The following EPHB6 variants were observed in gnomAD, a reference collection of about 807,000 sequenced individuals.
The protein encoded by EPHB6 is EPH receptor B6.
EPHB6 carries 51 observed loss-of-function variants against 107.0 expected under a neutral mutation model. The ratio of observed to expected loss-of-function variants is 0.48; its 90% CI spans 0.38 to 0.60. The LOEUF (loss-of-function observed/expected upper bound fraction) is 0.60, where lower values mean the gene tolerates loss of function less well. Among genes scored for constraint, EPHB6 ranks in the 20% least tolerant of loss-of-function variants. The pLI, the probability that EPHB6 is intolerant of heterozygous loss-of-function variation, is 0.00. For missense variants in EPHB6, 1,141 were observed against 1,355.5 expected (o/e 0.84, Z 2.48); for synonymous variants, 553 against 549.0 (o/e 1.01, Z -0.10).
At chr7:142,864,770 C>A (rs1563340638) in intron 7 of EPHB6, 21 bp downstream of exon 7, 1 of 1,612,620 alleles carries the variant, frequency 6.2e-7, no homozygotes, top group Non-Finnish European at 8.5e-7. Context: ...ACTCGTCTTG[C>A]ACTTGCCCGA....
chr7:142,862,928 G>C, intron 4 of EPHB6, 95 bp downstream of exon 4: 2 of 413,646 alleles, frequency 4.8e-6, no homozygotes, highest in Non-Finnish European at 8.7e-6. Flanking sequence ...GAGTAGGCAC[G>C]AACACTCCAA....
In EPHB6 at chr7:142,866,324, C is replaced by A; in HGVS notation, c.1462+8C>A. ...TCAGCACCAGCCATGAAGGTGAGCT[C>A]TTTTCCTTGGCCTTCAGGATCCCCT... On this transcript the variant is annotated splice_region_variant and intron_variant, in intron 9 of 19. Transcript: ENST00000652003. This position sits in a 1 kb window ranked among gnomAD's most constrained non-coding sequence, Gnocchi z 5.2. 1 of 1,613,768 alleles carries A rather than the reference C, an allele frequency of 6.2e-7. No homozygotes were observed. Among genetic ancestry groups the A allele is most frequent in the Admixed American group, 1.7e-5 (1 of 60,030 alleles).
Position 142,864,633 on chromosome 7 carries a change from C to T in EPHB6, c.833C>T (p.Ala278Val), listed in dbSNP as rs776913575. 2 of 1,612,118 alleles carry T rather than the reference C, an allele frequency of 1.2e-6. No individual in the cohort carries two copies. Among genetic ancestry groups the T allele is most frequent in the African/African-American group, 1.3e-5 (1 of 74,920 alleles). The part of the protein sequence containing the change: ...EPEEDGVGGQ[A>V]GGSPPRLHCN... ...GAGGAGGATGGAGTAGGGGGCCAGG[C>T]AGGAGGCAGCCCCCCCAGGCTGCAC... Residue 278 changes from alanine to valine, a missense_variant, in exon 7 of 20, where the codon GCA becomes GTA. Transcript: ENST00000652003.
At chr7:142,862,569 T>C (rs1802891460) in intron 3 of EPHB6, among the ~76,000 whole-genome samples, 187 bp from the exon 4 acceptor site, 1 of 152,090 alleles carries the variant, frequency 6.6e-6, no homozygotes, top group African/African-American at 2.4e-5. Flanking sequence ...TTCCCTCCCA[T>C]CATACCCCAC....
Position 142,864,484 on chromosome 7 carries a change from C to A in EPHB6, c.684C>A (p.Leu228=). The change falls in exon 7 of 20, where the codon CTC becomes CTA. Residue 228 remains leucine (L), a synonymous_variant. Transcript: ENST00000652003. ...GACLALVAVR[L]FSYTCPAVLR... is the part of the protein sequence containing the mutation. ...GCCTGGCCCTGGTCGCTGTCAGGCTCTTCTCCTACACCTGCCCTGCCGTGC... is the reference window on the plus strand; with the variant it reads ...GCCTGGCCCTGGTCGCTGTCAGGCTATTCTCCTACACCTGCCCTGCCGTGC... The A allele has an allele frequency of 6.2e-7, 1 of 1,613,304 alleles. No homozygotes were observed. Among genetic ancestry groups the A allele is most frequent in the Non-Finnish European group, 8.5e-7 (1 of 1,179,986 alleles).
rs1198366882 is a variant in EPHB6 at position 142,856,205 on chromosome 7, G to C, written c.-432+820G>C. Reference sequence around the variant, plus strand: ...CTGAGGCTCTAGGAGGGGAGATGCTGGTCCTGAGCTGAGAGACCAGTGGGA... The same window carrying C: ...CTGAGGCTCTAGGAGGGGAGATGCTCGTCCTGAGCTGAGAGACCAGTGGGA... On this transcript the variant is annotated intron_variant, in intron 1 of 19. Transcript: ENST00000652003. 2.6e-5 allele frequency among the ~76,000 whole-genome samples: 4 copies of C among 152,236 alleles called. No individual in the cohort carries two copies. The East Asian group carries it at 5.8e-4, about 22-fold the overall frequency.
In EPHB6 at chr7:142,869,031, GCTGCCATGCAGTAC is replaced by G. The variant is rs1307087875; in HGVS notation, c.2348_2361del (p.Ala783ValfsTer19). ...GGTGGCCATGCAGCGGGGAGTGGCT[GCTGCCATGCAGTAC>G]CTGTCCAGCTTTGCCTTCGTCCATC... On this transcript the variant is annotated frameshift_variant, in exon 16 of 20. Transcript: ENST00000652003. LOFTEE classifies it high-confidence loss of function. This position sits in a 1 kb window ranked among gnomAD's most constrained non-coding sequence, Gnocchi z 4.5. The G allele has an allele frequency of 6.2e-7, 1 of 1,612,678 alleles. No individual in the cohort carries two copies. Among genetic ancestry groups the G allele is most frequent in the Admixed American group, 1.7e-5 (1 of 60,032 alleles).
At position 142,866,444 on chromosome 7, in the gene EPHB6, C is replaced by A. The variant is rs370220214; in HGVS notation, c.1463-37C>A. ...TCAAGGCTGATCCTGCTCCCAGGGA[C>A]TCCTATCCCCATAATAATTTTCCTT... is the stretch of plus-strand genomic sequence containing the variant. On this transcript the variant is annotated intron_variant, in intron 9 of 19. Coordinates refer to ENST00000652003, the MANE Select transcript of EPHB6 (RefSeq NM_004445.6). The surrounding 1 kb of genome is among the most constrained non-coding windows in gnomAD (Gnocchi z 5.2). 1.2e-6 allele frequency: 2 copies of A among 1,613,606 alleles called. No homozygotes were observed. Among genetic ancestry groups the A allele is most frequent in the Non-Finnish European group, 1.7e-6 (2 of 1,179,998 alleles).
At chr7:142,870,089 T>C (rs2116487385) in intron 17 of EPHB6, 123 bp downstream of exon 17, 1 of 1,582,580 alleles carries the variant, frequency 6.3e-7, no homozygotes, top group Non-Finnish European at 8.7e-7. Flanking sequence ...GATTGCCATA[T>C]CTTTGAGTTC....
At position 142,858,477 on chromosome 7, in the gene EPHB6, C is replaced by T. The variant is rs547345773; in HGVS notation, c.-431-2575C>T. 8.7e-5 allele frequency among the ~76,000 whole-genome samples: 10 copies of T among 114,610 alleles called. No individual in the cohort carries two copies. In the East Asian group the frequency reaches 2.0e-3, roughly 23 times the overall value. The allele number at this position is 114,610 out of a possible 152,430, so 75.2% of individuals were successfully genotyped here. The stretch of plus-strand genomic sequence containing the variant: ...TTGAGACAGCATCTTGCTCTGTCGC[C>T]GAGGCTGGAGTGCAGTGGCACGATC... On this transcript the variant is annotated intron_variant, in intron 1 of 19. Coordinates refer to ENST00000652003, the MANE Select transcript of EPHB6 (RefSeq NM_004445.6).
intron 5 of EPHB6, 54 bp downstream of exon 5, chr7:142,863,381 A>T: frequency 6.5e-7 from 1 of 1,536,506 alleles, no homozygotes. Flanking sequence ...ACCCAGTGAA[A>T]GGGGGAAGTG....
Position 142,864,496 on chromosome 7 carries a change from C to G in EPHB6, c.696C>G (p.Thr232=), listed in dbSNP as rs1803036842. The change falls in exon 7 of 20, where the codon ACC becomes ACG. Residue 232 remains threonine (T), a synonymous_variant. Coordinates refer to ENST00000652003, the MANE Select transcript of EPHB6 (RefSeq NM_004445.6). ...ALVAVRLFSY[T]CPAVLRSFAS... ...TCGCTGTCAGGCTCTTCTCCTACACCTGCCCTGCCGTGCTCCGATCCTTTG... is the reference window on the plus strand; with the variant it reads ...TCGCTGTCAGGCTCTTCTCCTACACGTGCCCTGCCGTGCTCCGATCCTTTG... 1.9e-6 allele frequency: 3 copies of G among 1,613,384 alleles called. No homozygotes were observed. The highest frequency in any genetic ancestry group is 1.7e-5 in the Admixed American group (1 of 60,038).
rs780263226 is a variant in EPHB6, at chr7:142,869,780, A to G, written c.2461-37A>G. ...TTGCTCAATAAACGTGACTATTACT[A>G]TGATTATTACTATTTGCTTTTGACT... is the stretch of plus-strand genomic sequence containing the variant. On this transcript the variant is annotated intron_variant, in intron 16 of 19. Coordinates refer to ENST00000652003, the MANE Select transcript of EPHB6 (RefSeq NM_004445.6). This position sits in a 1 kb window ranked among gnomAD's most constrained non-coding sequence, Gnocchi z 4.5. 1.9e-6 allele frequency: 3 copies of G among 1,613,010 alleles called. No homozygotes were observed. The highest frequency in any genetic ancestry group is 1.7e-5 in the Admixed American group (1 of 59,912).
Position 142,867,509 on chromosome 7 carries a change from A to T in EPHB6, c.1751-99A>T, listed in dbSNP as rs995215369. 1.0e-4 allele frequency: 102 copies of T among 994,576 alleles called. 1 individual carries two copies. In the East Asian group the frequency reaches 2.5e-3, roughly 25 times the overall value. The allele number at this position is 994,576 out of a possible 1,614,324, so 61.6% of individuals were successfully genotyped here. On this transcript the variant is annotated intron_variant, in intron 11 of 19. Coordinates refer to ENST00000652003, the MANE Select transcript of EPHB6 (RefSeq NM_004445.6). The surrounding 1 kb of genome is among the most constrained non-coding windows in gnomAD (Gnocchi z 5.3). ...TGGGAGGTTTGGGGCATGCGCGTGC[A>T]TGTTGTGTGTGCCTGTGGTGTGTGT...
chr7:142,863,525 C>G, intron 5 of EPHB6, 106 bp from the exon 6 acceptor site: 1 of 1,407,090 alleles, frequency 7.1e-7, no homozygotes, highest in Non-Finnish European at 1.0e-6. Context: ...CTGGCAAAGA[C>G]ATGGGCCCGG....
Position 142,865,648 on chromosome 7 carries a change from C to G in EPHB6, c.1105+18C>G. On this transcript the variant is annotated intron_variant, in intron 8 of 19. Coordinates refer to ENST00000652003, the MANE Select transcript of EPHB6 (RefSeq NM_004445.6). ...CTGCACTGGTGAGTTCCTCACCCAG[C>G]CCTGCAATGGGAAAGAGACTTGGAG... is the stretch of plus-strand genomic sequence containing the variant. 1.2e-6 allele frequency: 2 copies of G among 1,612,022 alleles called. No individual in the cohort carries two copies. Among genetic ancestry groups the G allele is most frequent in the Non-Finnish European group, 8.5e-7 (1 of 1,179,708 alleles).
chr7:142,863,917 C>T (rs781458189), intron 6 of EPHB6, 49 bp from the exon 7 acceptor site: 21 of 1,613,200 alleles, frequency 1.3e-5, no homozygotes, highest in South Asian at 2.2e-5. Flanking sequence ...CTCTACCTCG[C>T]CGTGCTTAAG....
Position 142,867,658 on chromosome 7 carries a change from A to G in EPHB6, c.1801A>G (p.Ile601Val), listed in dbSNP as rs367548735. ...AAGACTCTCCTTGGTGATCGGCTCC[A>G]TCCTGGGGGCTTTGGCCTTCCTCCT... ...PERLSLVIGS[I>V]LGALAFLLLA... The change falls in exon 12 of 20, where the codon ATC becomes GTC. Residue 601 changes from isoleucine (I) to valine (V), a missense_variant. Transcript: ENST00000652003. This position sits in a 1 kb window ranked among gnomAD's most constrained non-coding sequence, Gnocchi z 5.3. 1 of 1,613,536 alleles carries G rather than the reference A, an allele frequency of 6.2e-7. No individual in the cohort carries two copies. The highest frequency in any genetic ancestry group is 1.3e-5 in the African/African-American group (1 of 74,906).
In EPHB6 at chr7:142,864,476, G is replaced by C. The variant is rs756998208; in HGVS notation, c.676G>C (p.Val226Leu). 1.2e-6 allele frequency: 2 copies of C among 1,613,140 alleles called. No homozygotes were observed. The highest frequency in any genetic ancestry group is 2.7e-5 in the African/African-American group (2 of 74,942). ...DTGACLALVAVRLFSYTCPAV... is the reference protein window; with the variant it reads ...DTGACLALVALRLFSYTCPAV... ...GGGGGCCTGCCTGGCCCTGGTCGCT[G>C]TCAGGCTCTTCTCCTACACCTGCCC... Residue 226 changes from valine to leucine, a missense_variant, in exon 7 of 20, where the codon GTC becomes CTC. Transcript: ENST00000652003.
Sources: allele counts gnomAD v4.1 joint callset (sites outside exome capture counted in the v4.1 genomes callset), GRCh38; gene constraint gnomAD v4.1.1; non-coding constraint Gnocchi (gnomAD v3.1); transcripts MANE v1.5; gene names NCBI Gene and HGNC (gene_info 2026-07-23, HGNC 2026-07-21).